FRY: variants seen among roughly 807,000 people sequenced by gnomAD.
The protein encoded by FRY is FRY microtubule binding protein, also known as protein furry homolog.
FRY carries 128 observed loss-of-function variants against 348.4 expected under a neutral mutation model. The ratio of observed to expected loss-of-function variants is 0.37; its 90% CI spans 0.32 to 0.43. The LOEUF (loss-of-function observed/expected upper bound fraction) is 0.43. Among genes scored for constraint, FRY ranks in the 20% least tolerant of loss-of-function variants. The pLI is 1.00. For synonymous variants in FRY, 1,370 were observed against 1,374.7 expected, an observed-to-expected ratio of 1.00 and a Z score of 0.08; for missense variants, 2,736 against 3,695.2, an observed-to-expected ratio of 0.74 and a Z score of 6.73.
At chr13:32,292,792 A>G (rs1889439286) in intron 59 of FRY, among the ~76,000 whole-genome samples, 1 of 144,110 alleles carries the variant, frequency 6.9e-6, no homozygotes, top group Non-Finnish European at 1.5e-5. Flanking sequence ...CTCCATCTCA[A>G]TAAATAAATA....
At chr13:32,264,668 C>T (rs1887828993) in intron 53 of FRY, among the ~76,000 whole-genome samples, 1 of 152,232 alleles carries the variant, frequency 6.6e-6, no homozygotes, top group Admixed American at 6.5e-5. Flanking sequence ...TCTTTCCTGC[C>T]TCTCACTGAT....
intron 42 of FRY, among the ~76,000 whole-genome samples, chr13:32,235,833 G>A (rs565225628): frequency 7.9e-5 from 12 of 152,158 alleles, no homozygotes; most frequent in East Asian, 3.9e-4. Flanking sequence ...CTTACCCCTC[G>A]CTGTTGAATT....
intron 37 of FRY, among the ~76,000 whole-genome samples, chr13:32,224,602 G>A (rs956278016): frequency 6.6e-6 from 1 of 152,198 alleles, no homozygotes; most frequent in Non-Finnish European, 1.5e-5. Flanking sequence ...ATTTCTCCTT[G>A]ATGTAATCTG....
At chr13:32,284,519 T>G (rs374464390) in intron 58 of FRY, among the ~76,000 whole-genome samples, 2 of 152,244 alleles carry the variant, frequency 1.3e-5, no homozygotes, top group East Asian at 3.8e-4. Flanking sequence ...TACAGATTTC[T>G]TGAAAAAAGT....
At chr13:32,265,344 A>G in intron 53 of FRY, 106 bp from the exon 54 acceptor site, 2 of 1,095,700 alleles carry the variant, frequency 1.8e-6, no homozygotes, top group Non-Finnish European at 2.8e-6. Flanking sequence ...CCCCATTTCT[A>G]TCACCATCAG....
At chr13:32,200,846 A>G (rs1883979104) in intron 29 of FRY, among the ~76,000 whole-genome samples, 1 of 152,056 alleles carries the variant, frequency 6.6e-6, no homozygotes, top group Admixed American at 6.6e-5. Context: ...TTATCTCCTT[A>G]GTGTTCCTCA....
intron 28 of FRY, among the ~76,000 whole-genome samples, chr13:32,188,928 C>T (rs1262609491): frequency 6.6e-6 from 1 of 152,084 alleles, no homozygotes; most frequent in Non-Finnish European, 1.5e-5. Flanking sequence ...ATAAGCTGAA[C>T]AGATTGAGAT....
intron 36 of FRY, among the ~76,000 whole-genome samples, 171 bp from the exon 37 acceptor site, chr13:32,224,064 C>T (rs1885454910): frequency 1.3e-5 from 2 of 151,946 alleles, no homozygotes; most frequent in African/African-American, 2.4e-5. Flanking sequence ...CAATCCAATG[C>T]ACTCCAGCCT....
At position 32,127,513 on chromosome 13, in the gene FRY, C is replaced by T. The variant is rs1444380172; in HGVS notation, c.716+2638C>T. ...AAATAAAAGTCTGAGTGCGGTGGCT[C>T]ACACCTGTAATTCCATCACTTTGGG... is the stretch of plus-strand genomic sequence containing the variant. On this transcript the variant is annotated intron_variant, in intron 7 of 60. Coordinates refer to ENST00000542859, the MANE Select transcript of FRY (RefSeq NM_023037.3). 3.3e-5 allele frequency among the ~76,000 whole-genome samples: 5 copies of T among 152,118 alleles called. No individual in the cohort carries two copies. The South Asian group carries it at 6.2e-4, about 19-fold the overall frequency.
chr13:32,249,836 A>G, intron 49 of FRY, 149 bp downstream of exon 49: 1 of 723,608 alleles, frequency 1.4e-6, no homozygotes, highest in East Asian at 2.7e-5. Context: ...TGGCATTCCA[A>G]GGAACCCATT....
At chr13:32,198,791 A>G (rs944640170) in intron 29 of FRY, among the ~76,000 whole-genome samples, 4 of 152,146 alleles carry the variant, frequency 2.6e-5, no homozygotes, top group Non-Finnish European at 4.4e-5. Context: ...CCAAACTTAG[A>G]CTGTGTTTAT....
chr13:32,178,091 C>A, intron 20 of FRY, 86 bp from the exon 21 acceptor site: 1 of 1,426,584 alleles, frequency 7.0e-7, no homozygotes, highest in Non-Finnish European at 9.9e-7. Context: ...AAGCACTGTG[C>A]AAGAATGAGT....
rs1014999115 is a variant in FRY, at chr13:32,221,624, T to C, written c.4766-2611T>C. On this transcript the variant is annotated intron_variant, in intron 36 of 60. Transcript: ENST00000542859. ...ACCTCTGGGGTGCAAGCAATTCTGC[T>C]GCGTCAGCCACCCTAGTAGCTAGGA... Among the ~76,000 whole-genome samples, 3 of 152,218 alleles carry C rather than the reference T, an allele frequency of 2.0e-5. No homozygotes were observed. In the East Asian group the frequency reaches 5.8e-4, roughly 29 times the overall value.
intron 46 of FRY, among the ~76,000 whole-genome samples, chr13:32,240,774 C>T (rs1291010239): frequency 6.6e-6 from 1 of 152,204 alleles, no homozygotes; most frequent in Non-Finnish European, 1.5e-5. Flanking sequence ...ATCACTAGCA[C>T]CTTTCAGAAG....
rs1451864561 is a variant in FRY at position 32,298,925 on chromosome 13, G to A, written c.*3465G>A. On this transcript the variant is annotated 3_prime_UTR_variant, in exon 61 of 61. Transcript: ENST00000542859. ...GATGGGAAGCCACTGAATGTTTGCGGGCAGGGTAGTGACATGCTGTGACTT... is the reference window on the plus strand; with the variant it reads ...GATGGGAAGCCACTGAATGTTTGCGAGCAGGGTAGTGACATGCTGTGACTT... 6.6e-6 allele frequency: 1 copy of A among 152,166 alleles called. No homozygotes were observed. The highest frequency in any genetic ancestry group is 1.5e-5 in the Non-Finnish European group (1 of 68,036). The allele number at this position is 152,166 out of a possible 1,614,324, so 9.4% of individuals were successfully genotyped here.
chr13:32,120,956 A>G (rs1463038469), intron 4 of FRY, among the ~76,000 whole-genome samples: 1 of 152,174 alleles, frequency 6.6e-6, no homozygotes, highest in East Asian at 1.9e-4. Flanking sequence ...CACCATGCCC[A>G]GCCCACATTG....
At chr13:32,293,135 A>T (rs952232361) in intron 59 of FRY, among the ~76,000 whole-genome samples, 1 of 152,212 alleles carries the variant, frequency 6.6e-6, no homozygotes, top group Non-Finnish European at 1.5e-5. Context: ...TCTAGAACTG[A>T]ATATTTCCAA....
chr13:32,038,800 T>A (rs1180530924), intron 1 of FRY, among the ~76,000 whole-genome samples: 2 of 152,296 alleles, frequency 1.3e-5, no homozygotes, highest in East Asian at 3.9e-4. Context: ...TAATTTTTCT[T>A]GGTTATTGCT....
At chr13:32,082,819 G>T (rs1256182737) in intron 2 of FRY, among the ~76,000 whole-genome samples, 4 of 152,046 alleles carry the variant, frequency 2.6e-5, no homozygotes, top group South Asian at 4.1e-4. Context: ...TAGTGAATTT[G>T]TTATTTCTTT....
Sources: gnomAD v4.1 joint callset for allele counts (sites outside exome capture counted in the v4.1 genomes callset) on GRCh38, gnomAD v4.1.1 for gene constraint, MANE v1.5 for transcripts, NCBI Gene and HGNC (gene_info 2026-07-23, HGNC 2026-07-21) for gene names.